The following DLGAP2 variants were observed in gnomAD, a reference collection of about 807,000 sequenced individuals.
DLGAP2 encodes disks large-associated protein 2.
Under a neutral mutation model 100.3 loss-of-function variants are expected in DLGAP2, and 26 were observed. The ratio of observed to expected loss-of-function variants is 0.26; its 90% CI spans 0.19 to 0.36. The LOEUF is 0.36. Ranked by LOEUF, DLGAP2 falls within the 10% of genes least tolerant of loss-of-function variation. The probability of loss-of-function intolerance (pLI) is 1.00; values close to 1 mark genes in which losing one functional copy is unlikely to be tolerated. For missense variants in DLGAP2, 1,858 were observed against 1,453.2 expected (o/e 1.28, Z -4.53); for synonymous variants, 886 against 630.1 (o/e 1.41, Z -6.08).
At chr8:1,554,115 C>G (rs1801874266) in intron 5 of DLGAP2, among the ~76,000 whole-genome samples, 2 of 152,090 alleles carry the variant, frequency 1.3e-5, no homozygotes, top group South Asian at 2.1e-4. Context: ...TGGCAAAACC[C>G]TGTTTCTACT....
At chr8:1,292,700 G>A (rs770209677) in intron 3 of DLGAP2, among the ~76,000 whole-genome samples, 7 of 152,162 alleles carry the variant, frequency 4.6e-5, no homozygotes, top group Non-Finnish European at 7.4e-5. Flanking sequence ...TCGCGTGGAT[G>A]GGGCTTTACT....
chr8:919,650 G>C (rs943896350), intron 2 of DLGAP2, among the ~76,000 whole-genome samples: 1 of 152,186 alleles, frequency 6.6e-6, no homozygotes. Context: ...GGATCCGTCC[G>C]GCCGAGAAGC....
intron 3 of DLGAP2, among the ~76,000 whole-genome samples, chr8:1,293,255 C>G (rs561903636): frequency 6.6e-6 from 1 of 152,246 alleles, no homozygotes; most frequent in East Asian, 1.9e-4. Flanking sequence ...CTCTCCCTCT[C>G]CTGGTGCAGT....
At chr8:1,115,802 C>T (rs151188793) in intron 2 of DLGAP2, among the ~76,000 whole-genome samples, 192 of 152,284 alleles carry the variant, frequency 1.3e-3, no homozygotes, top group African/African-American at 4.2e-3. Flanking sequence ...TGACAGTTTT[C>T]GAATTTGTTG....
chr8:856,219 G>A (rs1354259251), intron 1 of DLGAP2, among the ~76,000 whole-genome samples: 5 of 115,940 alleles, frequency 4.3e-5, no homozygotes, highest in Admixed American at 1.2e-4. Flanking sequence ...ATGGAGTTTC[G>A]CTCTTGTTGC....
At chr8:1,419,064 A>T (rs1219545539) in intron 3 of DLGAP2, among the ~76,000 whole-genome samples, 1 of 152,222 alleles carries the variant, frequency 6.6e-6, no homozygotes, top group Admixed American at 6.5e-5. Context: ...CTCTCTGGGC[A>T]CCGCCTCCCT....
In DLGAP2 at chr8:1,182,740, C is replaced by T. The variant is rs577956255; in HGVS notation, c.74-76111C>T. ...TGCCCTGAGACACGGAGCTCCAGCA[C>T]ATTCTGCAGAGCTCACACTATCGAG... On this transcript the variant is annotated intron_variant, in intron 2 of 14. Transcript: ENST00000637795. Among the ~76,000 whole-genome samples, 7 of 152,298 alleles carry T rather than the reference C, an allele frequency of 4.6e-5. No homozygotes were observed. The South Asian group carries it at 1.5e-3, about 32-fold the overall frequency.
At chr8:1,437,747 C>G (rs1179249002) in intron 3 of DLGAP2, among the ~76,000 whole-genome samples, 1 of 139,156 alleles carries the variant, frequency 7.2e-6, no homozygotes, top group Non-Finnish European at 1.5e-5. Context: ...GCAGGTGGAT[C>G]ATTTGAGGTC....
intron 3 of DLGAP2, among the ~76,000 whole-genome samples, chr8:1,317,257 G>A (rs1278262760): frequency 1.5e-5 from 2 of 136,184 alleles, no homozygotes; most frequent in Non-Finnish European, 1.6e-5. Flanking sequence ...GTGTGCGAGT[G>A]CAGCGTCTCT....
intron 2 of DLGAP2, among the ~76,000 whole-genome samples, chr8:1,145,074 T>C (rs1471259695): frequency 6.6e-6 from 1 of 152,246 alleles, no homozygotes; most frequent in East Asian, 1.9e-4. Flanking sequence ...TCTGTATTAG[T>C]AGGTGGCCAA....
intron 2 of DLGAP2, among the ~76,000 whole-genome samples, chr8:1,039,894 GCA>G (rs2129030048): frequency 7.0e-6 from 1 of 143,438 alleles, no homozygotes; most frequent in East Asian, 2.2e-4. Flanking sequence ...GGCTCGGTAT[GCA>G]TGGTCAGCTC....
chr8:1,362,849 C>T (rs747528193), intron 3 of DLGAP2, among the ~76,000 whole-genome samples: 15 of 152,312 alleles, frequency 9.8e-5, no homozygotes, highest in African/African-American at 2.6e-4. Context: ...TTTTGTTGAA[C>T]GTTTCAAAGT....
intron 2 of DLGAP2, among the ~76,000 whole-genome samples, chr8:1,099,954 C>T (rs556368271): frequency 1.3e-5 from 2 of 152,198 alleles, no homozygotes; most frequent in Admixed American, 6.5e-5. Flanking sequence ...CCCGAGATTT[C>T]AGTTACCCGA....
At position 1,185,157 on chromosome 8, in the gene DLGAP2, G is replaced by T. The variant is rs145955787; in HGVS notation, c.74-73694G>T. Among the ~76,000 whole-genome samples the T allele has an allele frequency of 3.9e-5, 6 of 152,276 alleles. No individual in the cohort carries two copies. In the South Asian group the frequency reaches 1.2e-3, roughly 32 times the overall value. On this transcript the variant is annotated intron_variant, in intron 2 of 14. Transcript: ENST00000637795. ...TGGCGACGGCATAACTGTTGAACAC[G>T]TGCCGGGCGAATGCTGTTCATTTTT...
intron 6 of DLGAP2, among the ~76,000 whole-genome samples, chr8:1,566,317 T>G (rs918039974): frequency 2.6e-5 from 4 of 152,204 alleles, no homozygotes; most frequent in African/African-American, 9.6e-5. Flanking sequence ...AGGCAACACA[T>G]TTTTTTGTAG....
intron 1 of DLGAP2, among the ~76,000 whole-genome samples, chr8:838,379 C>T (rs1049107271): frequency 1.3e-5 from 2 of 151,790 alleles, no homozygotes; most frequent in Non-Finnish European, 2.9e-5. Flanking sequence ...GTGGTCTTGG[C>T]ATCAGTATTT....
intron 2 of DLGAP2, chr8:1,019,438 A>G (rs1305714072): frequency 6.6e-6 from 1 of 151,956 alleles, no homozygotes; most frequent in Non-Finnish European, 1.5e-5. Flanking sequence ...ATAATTTCAC[A>G]TCTGCTTCTG....
At chr8:1,481,769 C>G (rs1389820055) in intron 3 of DLGAP2, among the ~76,000 whole-genome samples, 1 of 152,132 alleles carries the variant, frequency 6.6e-6, no homozygotes, top group African/African-American at 2.4e-5. Flanking sequence ...TGAGTCACCG[C>G]ACCAGGCCAG....
chr8:881,532 C>T lies in DLGAP2; in HGVS notation c.19-26380C>T, dbSNP rs1322312378. Among the ~76,000 whole-genome samples the T allele has an allele frequency of 1.1e-3, 118 of 109,544 alleles. 2 individuals carry two copies. The highest frequency in any genetic ancestry group is 4.2e-3 in the African/African-American group (114 of 26,976). 71.9% of individuals were successfully genotyped at this position (109,544 alleles called of 152,430 possible). A position where few individuals can be genotyped will look rare whatever the true frequency, so the allele number is the denominator to read the frequency against. ...TTTTTTTTTTTGAGATGGAGTCTTG[C>T]TTTGTTGCCCAGGCTGGAGTGCAGT... On this transcript the variant is annotated intron_variant, in intron 1 of 14. Coordinates refer to ENST00000637795, the MANE Select transcript of DLGAP2 (RefSeq NM_001346810.2).
Sources: gnomAD v4.1 joint callset for allele counts (sites outside exome capture counted in the v4.1 genomes callset) on GRCh38, gnomAD v4.1.1 for gene constraint, MANE v1.5 for transcripts, NCBI Gene and HGNC (gene_info 2026-07-23, HGNC 2026-07-21) for gene names.